The following AKAP9 variants were observed in gnomAD, a reference collection of about 807,000 sequenced individuals.
AKAP9 encodes A-kinase anchor protein 9.
Under a neutral mutation model 488.5 loss-of-function variants are expected in AKAP9, and 311 were observed. The observed-to-expected ratio is 0.64, with a 90% CI of 0.58 to 0.70. The LOEUF (loss-of-function observed/expected upper bound fraction) is 0.70, where lower values mean the gene tolerates loss of function less well. Among genes scored for constraint, AKAP9 ranks in the 30% least tolerant of loss-of-function variants. The pLI is 0.00. For missense variants in AKAP9, 4,215 were observed against 4,374.5 expected, an observed-to-expected ratio of 0.96 and a Z score of 1.03; for synonymous variants, 1,462 against 1,483.5, an observed-to-expected ratio of 0.99 and a Z score of 0.33.
intron 21 of AKAP9, among the ~76,000 whole-genome samples, chr7:92,047,312 G>C (rs925204240): frequency 2.6e-5 from 4 of 152,016 alleles, no homozygotes; most frequent in African/African-American, 9.7e-5. Context: ...CACCTCCTGG[G>C]TTCAAGCCAT....
chr7:92,029,533 G>C (rs999408383), intron 14 of AKAP9, among the ~76,000 whole-genome samples: 3 of 152,148 alleles, frequency 2.0e-5, no homozygotes, highest in Non-Finnish European at 4.4e-5. Flanking sequence ...TGTAATCCCA[G>C]CACATTTGGA....
intron 3 of AKAP9, among the ~76,000 whole-genome samples, chr7:91,982,543 AG>A (rs1796566897): frequency 6.6e-6 from 1 of 152,274 alleles, no homozygotes; most frequent in South Asian, 2.1e-4. Flanking sequence ...ATGGCTGCAT[AG>A]TATTCCATGA....
intron 24 of AKAP9, chr7:92,063,587 C>A (rs1487377588): frequency 4.4e-6 from 3 of 680,610 alleles, no homozygotes; most frequent in Non-Finnish European, 3.6e-6. Context: ...AGCCAACTAA[C>A]ATCTCTAGTT....
rs141316443 is a variant in AKAP9 at position 92,091,352 on chromosome 7, C to A, written c.9359-1745C>A. Among the ~76,000 whole-genome samples, 176 of 152,120 alleles carry A rather than the reference C, an allele frequency of 1.2e-3. 4 individuals carry two copies. The East Asian group carries it at 0.026, about 22-fold the overall frequency. On this transcript the variant is annotated intron_variant, in intron 38 of 49. Transcript: ENST00000356239. ...CCTGTAATCCCAGCACTTTGGGAGG[C>A]CGAGGTGGGAGGATCACGAGGTCAG...
Position 92,110,249 on chromosome 7 carries a change from CA to C in AKAP9, c.*92del. On this transcript the variant is annotated 3_prime_UTR_variant, in exon 50 of 50. Coordinates refer to ENST00000356239, the MANE Select transcript of AKAP9 (RefSeq NM_005751.5). ...TTTGTGCTTTTGTATTGTGAATATTCAATGGGACCAATATGAACACAGCTTA... is the reference window on the plus strand; with the variant it reads ...TTTGTGCTTTTGTATTGTGAATATTCATGGGACCAATATGAACACAGCTTA... 1 of 996,304 alleles carries C rather than the reference CA, an allele frequency of 1.0e-6. No homozygotes were observed. The highest frequency in any genetic ancestry group is 2.5e-5 in the East Asian group (1 of 39,274). The allele number at this position is 996,304 out of a possible 1,614,324, so 61.7% of individuals were successfully genotyped here.
In AKAP9 at chr7:92,086,316, G is replaced by T; in HGVS notation, c.9113G>T (p.Arg3038Leu). Residue 3038 changes from arginine to leucine, a missense_variant, in exon 37 of 50, where the codon CGT becomes CTT. Physicochemically the swap from Arg to Leu is moderately radical, Grantham distance 102. This residue lies in a region of AKAP9 where 1,476 missense variants were observed against 1,477.4 expected (regional missense o/e 1.00). Transcript: ENST00000356239. ...CTTCAACAAGTTTTCTTAGAAGAGCGTAGTGTTTTACTAGCAGCATTTCGG... is the reference window on the plus strand; with the variant it reads ...CTTCAACAAGTTTTCTTAGAAGAGCTTAGTGTTTTACTAGCAGCATTTCGG... Reference protein sequence around the residue: ...LALQQVFLEERSVLLAAFRTE... With the variant: ...LALQQVFLEELSVLLAAFRTE... 1 of 1,614,106 alleles carries T rather than the reference G, an allele frequency of 6.2e-7. No individual in the cohort carries two copies. The highest frequency in any genetic ancestry group is 8.5e-7 in the Non-Finnish European group (1 of 1,179,972).
chr7:92,100,501 T>G (rs538105190), intron 44 of AKAP9, among the ~76,000 whole-genome samples: 21 of 152,334 alleles, frequency 1.4e-4, no homozygotes, highest in African/African-American at 5.1e-4. Flanking sequence ...ATGTACATAC[T>G]GGCTTGTTTT....
chr7:91,991,472 CT>C (rs766603127), intron 3 of AKAP9, among the ~76,000 whole-genome samples: 399 of 135,840 alleles, frequency 2.9e-3, no homozygotes, highest in African/African-American at 5.2e-3. Context: ...GGGAAGAACT[CT>C]TTTTTTTTTT....
intron 3 of AKAP9, among the ~76,000 whole-genome samples, chr7:91,986,785 TA>T (rs1179786945): frequency 6.6e-6 from 1 of 152,104 alleles, no homozygotes; most frequent in Non-Finnish European, 1.5e-5. Flanking sequence ...AAATAGTATT[TA>T]AGTGTAAGTA....
chr7:92,040,796 G>A lies in AKAP9; in HGVS notation c.4815G>A (p.Thr1605=), dbSNP rs141237587. Residue 1605 remains threonine, a synonymous_variant, in exon 18 of 50, where the codon ACG becomes ACA. Coordinates refer to ENST00000356239, the MANE Select transcript of AKAP9 (RefSeq NM_005751.5). ...AATACCAAGAACATCAACAGGCAAC[G>A]GAATTGTTAAGGCAAGCACATATGC... ...VRQYQEHQQA[T]ELLRQAHMRQ... The A allele has an allele frequency of 7.4e-6, 12 of 1,613,928 alleles. No homozygotes were observed. The highest frequency in any genetic ancestry group is 1.6e-4 in the Middle Eastern group (1 of 6,062).
intron 2 of AKAP9, among the ~76,000 whole-genome samples, chr7:91,978,596 T>C (rs1430274052): frequency 6.6e-6 from 1 of 152,176 alleles, no homozygotes; most frequent in Non-Finnish European, 1.5e-5. Context: ...AGGCATGTGA[T>C]AGTGAAACAA....
Position 92,062,284 on chromosome 7 carries a change from T to C in AKAP9, c.5775T>C (p.Asp1925=). The C allele has an allele frequency of 6.2e-7, 1 of 1,612,378 alleles. No individual in the cohort carries two copies. The highest frequency in any genetic ancestry group is 8.5e-7 in the Non-Finnish European group (1 of 1,178,546). Residue 1925 remains aspartate, a synonymous_variant, in exon 24 of 50, where the codon GAT becomes GAC. Coordinates refer to ENST00000356239, the MANE Select transcript of AKAP9 (RefSeq NM_005751.5). ...VELSKAEGVI[D]GYADEKTLFE... is the part of the protein sequence containing the mutation. ...AATTTTGTATTATAGGCGTCATTGA[T>C]GGCTATGCAGATGAAAAAACTCTTT...
intron 1 of AKAP9, among the ~76,000 whole-genome samples, chr7:91,967,305 T>C (rs185661451): frequency 8.7e-4 from 132 of 152,332 alleles, no homozygotes; most frequent in Non-Finnish European, 1.6e-3. Flanking sequence ...GGTTATCTTT[T>C]ATTTTTTTCT....
At position 92,097,754 on chromosome 7, in the gene AKAP9, G is replaced by C. The variant is rs374016795; in HGVS notation, c.10567G>C (p.Ala3523Pro). Residue 3523 changes from alanine (A) to proline (P), a missense_variant, in exon 42 of 50, where the codon GCT becomes CCT. By Grantham distance (27) the Ala-to-Pro change is conservative (BLOSUM62 -1). Transcript: ENST00000356239. ...GATCAGACAAAAGCTTCAATGTGTA[G>C]CTTCAAAACTACAGGTTCTACCCCA... ...EMIRQKLQCVASKLQVLPQKA... is the reference protein window; with the variant it reads ...EMIRQKLQCVPSKLQVLPQKA... The C allele has an allele frequency of 5.0e-6, 8 of 1,614,188 alleles. No individual in the cohort carries two copies. The highest frequency in any genetic ancestry group is 5.9e-6 in the Non-Finnish European group (7 of 1,180,024).
In AKAP9 at chr7:92,029,909, C is replaced by T. The variant is rs143565222; in HGVS notation, c.4163C>T (p.Ser1388Leu). The T allele has an allele frequency of 1.4e-4, 226 of 1,612,130 alleles. No homozygotes were observed. Among genetic ancestry groups the T allele is most frequent in the African/African-American group, 9.7e-4 (73 of 74,892 alleles). The change falls in exon 15 of 50, where the codon TCG (serine) becomes TTG (leucine). Residue 1388 changes from serine (S) to leucine (L), a missense_variant. Physicochemically the swap from Ser to Leu is moderately radical, Grantham distance 145 (BLOSUM62 -2). This residue lies in a region of AKAP9 where 2,361 missense variants were observed against 2,430.0 expected (regional missense o/e 0.97). Transcript: ENST00000356239. The stretch of plus-strand genomic sequence containing the variant: ...TTTATATTCAGCTTACCTGTTGATT[C>T]GGTGGTAATTACAGAATCTGATGCA... Reference protein sequence around the residue: ...STVPPSLPVDSVVITESDAQR... With the variant: ...STVPPSLPVDLVVITESDAQR...
rs752925428 is a variant in AKAP9 at position 92,002,250 on chromosome 7, G to A, written c.2333G>A (p.Ser778Asn). The A allele has an allele frequency of 5.0e-6, 8 of 1,600,524 alleles. No homozygotes were observed. Among genetic ancestry groups the A allele is most frequent in the South Asian group, 4.6e-5 (4 of 86,690 alleles). Residue 778 changes from serine to asparagine, a missense_variant, in exon 8 of 50, where the codon AGC becomes AAC. Physicochemically the swap from Ser to Asn is conservative, Grantham distance 46. Coordinates refer to ENST00000356239, the MANE Select transcript of AKAP9 (RefSeq NM_005751.5). ...TTTGCACAACTTGAAGCAGAGAATA[G>A]CATTCTTAAAGATGAAAAGAAAACC... ...EKFAQLEAEN[S>N]ILKDEKKTLE...
chr7:91,941,049 T>G lies in AKAP9; in HGVS notation c.-51T>G, dbSNP rs772589772. ...CGTCCAAATCGACCTTTCCTTTCTATCCCCAACCACCCCTCAACCCCTGTT... is the reference window on the plus strand; with the variant it reads ...CGTCCAAATCGACCTTTCCTTTCTAGCCCCAACCACCCCTCAACCCCTGTT... On this transcript the variant is annotated 5_prime_UTR_variant, in exon 1 of 50. Transcript: ENST00000356239. 2 of 1,570,302 alleles carry G rather than the reference T, an allele frequency of 1.3e-6. No homozygotes were observed. The highest frequency in any genetic ancestry group is 2.7e-5 in the African/African-American group (2 of 73,916).
At chr7:91,949,200 C>T (rs971509647) in intron 1 of AKAP9, among the ~76,000 whole-genome samples, 5 of 151,842 alleles carry the variant, frequency 3.3e-5, no homozygotes. Flanking sequence ...AGAGAGAGAA[C>T]GTGTGCACTC....
In AKAP9 at chr7:92,002,223, A is replaced by C; in HGVS notation, c.2306A>C (p.Lys769Thr). The C allele has an allele frequency of 6.3e-7, 1 of 1,590,926 alleles. No individual in the cohort carries two copies. The highest frequency in any genetic ancestry group is 8.5e-7 in the Non-Finnish European group (1 of 1,174,092). ...MKEKENDLQE[K>T]FAQLEAENSI... Reference sequence around the variant, plus strand: ...GAAAAAGAGAATGATCTTCAAGAAAAATTTGCACAACTTGAAGCAGAGAAT... The same window carrying C: ...GAAAAAGAGAATGATCTTCAAGAAACATTTGCACAACTTGAAGCAGAGAAT... Residue 769 changes from lysine (K) to threonine (T), a missense_variant, in exon 8 of 50, where the codon AAA becomes ACA. Physicochemically the swap from Lys to Thr is moderately conservative, Grantham distance 78 (BLOSUM62 -1). Around this residue, in one of 5 missense-constraint regions of AKAP9, gnomAD observed 2,361 missense variants for 2,430.0 expected, o/e 0.97. Coordinates refer to ENST00000356239, the MANE Select transcript of AKAP9 (RefSeq NM_005751.5).
Sources: gnomAD v4.1 joint callset for allele counts (sites outside exome capture counted in the v4.1 genomes callset) on GRCh38, gnomAD v4.1.1 for gene constraint, gnomAD v4.1.1 regional missense constraint, MANE v1.5 for transcripts, NCBI Gene and HGNC (gene_info 2026-07-23, HGNC 2026-07-21) for gene names.